Variants in EPAS1 observed in about 807,000 individuals in gnomAD.
EPAS1 encodes the protein endothelial PAS domain protein 1.
Under a neutral mutation model 87.9 loss-of-function variants are expected in EPAS1, and 23 were observed. That is an observed-to-expected ratio of 0.26 (90% CI 0.19 to 0.37). EPAS1 has a LOEUF of 0.37. Ranked by LOEUF, EPAS1 falls within the 10% of genes least tolerant of loss-of-function variation. The probability of loss-of-function intolerance (pLI) is 1.00; values close to 1 mark genes in which losing one functional copy is unlikely to be tolerated. For synonymous variants in EPAS1, 508 were observed against 444.3 expected, an observed-to-expected ratio of 1.14 and a Z score of -1.80; for missense variants, 1,138 against 1,120.7, an observed-to-expected ratio of 1.02 and a Z score of -0.22.
rs962333106 is a variant in EPAS1 at position 46,360,289 on chromosome 2, C to A, written c.455-349C>A. On this transcript the variant is annotated intron_variant, in intron 4 of 15. Coordinates refer to ENST00000263734, the MANE Select transcript of EPAS1 (RefSeq NM_001430.5). The surrounding 1 kb of genome is among the most constrained non-coding windows in gnomAD (Gnocchi z 4.5). ...TGGAATTTCTGCGAGAAGACCTGGG[C>A]CTGCCCCAGGAAAGGGTGGCTGAGT... Among the ~76,000 whole-genome samples the A allele has an allele frequency of 6.6e-6, 1 of 152,212 alleles. No homozygotes were observed. Among genetic ancestry groups the A allele is most frequent in the African/African-American group, 2.4e-5 (1 of 41,450 alleles).
At chr2:46,320,448 A>G (rs910952079) in intron 1 of EPAS1, among the ~76,000 whole-genome samples, 1 of 152,240 alleles carries the variant, frequency 6.6e-6, no homozygotes, top group Admixed American at 6.5e-5. Flanking sequence ...GGAAAAGTGC[A>G]CGCCGCTTGC....
intron 9 of EPAS1, 117 bp downstream of exon 9, chr2:46,376,870 C>A (rs1572646804): frequency 9.3e-7 from 1 of 1,075,874 alleles, no homozygotes; most frequent in Non-Finnish European, 1.4e-6. Flanking sequence ...CCCCAGCCCC[C>A]CAAGTCTTGT....
chr2:46,359,266 A>AAAAAAAAAAAAAAAAG (rs1684337027), intron 4 of EPAS1, among the ~76,000 whole-genome samples: 1 of 147,330 alleles, frequency 6.8e-6, no homozygotes, highest in Non-Finnish European at 1.5e-5. Flanking sequence ...TCAAAAAAAA[A>AAAAAAAAAAAAAAAAG]AAAAAAAAAA....
In EPAS1 at chr2:46,384,946, A is replaced by G. The variant is rs1160979731; in HGVS notation, c.*286A>G. The G allele has an allele frequency of 1.1e-5, 5 of 449,422 alleles. No individual in the cohort carries two copies. Among genetic ancestry groups the G allele is most frequent in the African/African-American group, 8.0e-5 (4 of 50,154 alleles). The allele number at this position is 449,422 out of a possible 1,614,324, so 27.8% of individuals were successfully genotyped here. A position where few individuals can be genotyped will look rare whatever the true frequency, so the allele number is the denominator to read the frequency against. The stretch of plus-strand genomic sequence containing the variant: ...CAATGACTTCTAATTTATATTATCC[A>G]TAGGTTTCTCTCCCTCCTTCTCCTT... On this transcript the variant is annotated 3_prime_UTR_variant, in exon 16 of 16. Transcript: ENST00000263734.
intron 6 of EPAS1, among the ~76,000 whole-genome samples, chr2:46,368,051 T>A (rs1176080631): frequency 6.6e-6 from 1 of 152,146 alleles, no homozygotes; most frequent in African/African-American, 2.4e-5. Context: ...AAAGAGAAAA[T>A]CAATCTACTG....
rs773534451 is a variant in EPAS1 at position 46,375,769 on chromosome 2, G to A, written c.966G>A (p.Gln322=). ...KHGGYVWLET[Q]GTVIYNPRNL... Reference sequence around the variant, plus strand: ...GGGGCTACGTGTGGCTGGAGACCCAGGGGACGGTCATCTACAACCCTCGCA... The same window carrying A: ...GGGGCTACGTGTGGCTGGAGACCCAAGGGACGGTCATCTACAACCCTCGCA... Residue 322 remains glutamine, a synonymous_variant, in exon 8 of 16, where the codon CAG becomes CAA. Coordinates refer to ENST00000263734, the MANE Select transcript of EPAS1 (RefSeq NM_001430.5). The surrounding 1 kb of genome is among the most constrained non-coding windows in gnomAD (Gnocchi z 4.1). 2 of 1,614,116 alleles carry A rather than the reference G, an allele frequency of 1.2e-6. No individual in the cohort carries two copies. Among genetic ancestry groups the A allele is most frequent in the Admixed American group, 1.7e-5 (1 of 60,016 alleles).
At chr2:46,335,270 G>T (rs897181471) in intron 1 of EPAS1, among the ~76,000 whole-genome samples, 3 of 152,172 alleles carry the variant, frequency 2.0e-5, no homozygotes, top group Non-Finnish European at 4.4e-5. Flanking sequence ...CTGATTAAAA[G>T]TCTAAACAAA....
chr2:46,357,396 A>G (rs1684289026), intron 4 of EPAS1, among the ~76,000 whole-genome samples: 2 of 152,186 alleles, frequency 1.3e-5, no homozygotes, highest in Non-Finnish European at 2.9e-5. Context: ...CTGGGACAAC[A>G]GGACTGTTCT....
At chr2:46,362,429 A>C (rs997824378) in intron 6 of EPAS1, among the ~76,000 whole-genome samples, 1 of 152,158 alleles carries the variant, frequency 6.6e-6, no homozygotes, top group Non-Finnish European at 1.5e-5. Flanking sequence ...ATCTTCCACT[A>C]AACTCAAGGA....
chr2:46,326,968 T>C (rs1683575585), intron 1 of EPAS1, among the ~76,000 whole-genome samples: 1 of 152,156 alleles, frequency 6.6e-6, no homozygotes, highest in Admixed American at 6.5e-5. Flanking sequence ...TTAAACACAT[T>C]GTACCTCTGA....
chr2:46,383,011 A>G (rs1383512065), intron 15 of EPAS1, among the ~76,000 whole-genome samples: 5 of 147,174 alleles, frequency 3.4e-5, no homozygotes, highest in African/African-American at 9.7e-5. Flanking sequence ...GAGAAGAGAA[A>G]GTTCAGAGAG....
At chr2:46,361,245 G>A (rs976746924) in intron 6 of EPAS1, among the ~76,000 whole-genome samples, 155 bp downstream of exon 6, 2 of 152,140 alleles carry the variant, frequency 1.3e-5, no homozygotes, top group African/African-American at 4.8e-5. Flanking sequence ...TTGCATCAGT[G>A]CCCCTCAGAG....
rs1684045417 is a variant in EPAS1, at chr2:46,347,109, C to A, written c.217+46C>A. ...TAGGCTGGGCAGATGCCAGCCTTACCAGCATGTTCCTATATGCAGGGGACC... is the reference window on the plus strand; with the variant it reads ...TAGGCTGGGCAGATGCCAGCCTTACAAGCATGTTCCTATATGCAGGGGACC... On this transcript the variant is annotated intron_variant, in intron 2 of 15. Transcript: ENST00000263734. The surrounding 1 kb of genome is among the most constrained non-coding windows in gnomAD (Gnocchi z 4.2). The A allele has an allele frequency of 1.6e-5, 25 of 1,607,718 alleles. No homozygotes were observed. Among genetic ancestry groups the A allele is most frequent in the Non-Finnish European group, 2.1e-5 (25 of 1,174,288 alleles).
intron 1 of EPAS1, among the ~76,000 whole-genome samples, chr2:46,336,073 C>T (rs541458598): frequency 6.6e-6 from 1 of 152,308 alleles, no homozygotes; most frequent in East Asian, 1.9e-4. Flanking sequence ...AAAATCTAAG[C>T]CGCCCCAGCT....
chr2:46,304,402 T>A (rs1469025662), intron 1 of EPAS1, among the ~76,000 whole-genome samples: 1 of 152,208 alleles, frequency 6.6e-6, no homozygotes, highest in Non-Finnish European at 1.5e-5. Context: ...GGGTGTTCCA[T>A]ACGCCCTTCC....
chr2:46,349,700 G>A (rs1684109997), intron 2 of EPAS1, among the ~76,000 whole-genome samples: 1 of 152,244 alleles, frequency 6.6e-6, no homozygotes, highest in East Asian at 1.9e-4. Context: ...GGAGGAGATG[G>A]TTTCTCAGCA....
intron 1 of EPAS1, among the ~76,000 whole-genome samples, chr2:46,314,224 G>T (rs1683270286): frequency 6.6e-6 from 1 of 152,210 alleles, no homozygotes; most frequent in African/African-American, 2.4e-5. Context: ...AGAGGCCATT[G>T]TGTGTTGGTG....
rs1684622397 is a variant in EPAS1, at chr2:46,371,275, G to T, written c.886+1342G>T. Among the ~76,000 whole-genome samples, 1 of 152,210 alleles carries T rather than the reference G, an allele frequency of 6.6e-6. No individual in the cohort carries two copies. The highest frequency in any genetic ancestry group is 1.5e-5 in the Non-Finnish European group (1 of 68,042). On this transcript the variant is annotated intron_variant, in intron 7 of 15. Coordinates refer to ENST00000263734, the MANE Select transcript of EPAS1 (RefSeq NM_001430.5). This position sits in a 1 kb window ranked among gnomAD's most constrained non-coding sequence, Gnocchi z 4.3. ...CCCAAGGCTAAGACAGCCAAGTTCA[G>T]TGCAGCCAGCAGAGTCACAACCCCG...
chr2:46,334,559 C>A (rs369793278), intron 1 of EPAS1, among the ~76,000 whole-genome samples: 1 of 152,312 alleles, frequency 6.6e-6, no homozygotes, highest in African/African-American at 2.4e-5. Context: ...TCCTCCCAAA[C>A]TCCTACAGCC....
Sources: allele counts gnomAD v4.1 joint callset (sites outside exome capture counted in the v4.1 genomes callset), GRCh38; gene constraint gnomAD v4.1.1; non-coding constraint Gnocchi (gnomAD v3.1); transcripts MANE v1.5; gene names NCBI Gene and HGNC (gene_info 2026-07-23, HGNC 2026-07-21).